CCDC30: variants seen among roughly 807,000 people sequenced by gnomAD.
The protein encoded by CCDC30 is coiled-coil domain containing 30.
A neutral mutation model predicts 100.2 loss-of-function variants in CCDC30; 70 were observed. The observed-to-expected ratio is 0.70, with a 90% CI of 0.58 to 0.85. The LOEUF (loss-of-function observed/expected upper bound fraction) is 0.85. Among genes scored for constraint, CCDC30 ranks in the 40% least tolerant of loss-of-function variants. CCDC30 has a pLI of 0.00. For missense variants in CCDC30, 652 were observed against 771.2 expected (o/e 0.85, Z 1.83); for synonymous variants, 233 against 269.5 (o/e 0.86, Z 1.33).
At chr1:42,581,495 CAAG>C (rs1430489836) in exon 9 of CCDC30, 4 of 1,612,838 alleles carry the variant, frequency 2.5e-6, no homozygotes, top group African/African-American at 1.3e-5. Context: ...GCAACAATAT[CAAG>C]AAGAACAACA....
At chr1:42,648,644 T>C (rs527297018) in intron 15 of CCDC30, among the ~76,000 whole-genome samples, 1 of 152,212 alleles carries the variant, frequency 6.6e-6, no homozygotes, top group Admixed American at 6.5e-5. Context: ...CTCTCCAGCC[T>C]GGGTGACAGA....
intron 4 of CCDC30, among the ~76,000 whole-genome samples, chr1:42,495,265 C>T (rs1644213202): frequency 6.6e-6 from 1 of 151,436 alleles, no homozygotes. Flanking sequence ...AACAAAAAAC[C>T]AAACACCACA....
At chr1:42,619,438 G>C (rs1034797799) in intron 11 of CCDC30, among the ~76,000 whole-genome samples, 4 of 152,176 alleles carry the variant, frequency 2.6e-5, no homozygotes, top group Admixed American at 2.6e-4. Context: ...AGGAGAAATA[G>C]TATGCAAATC....
At chr1:42,510,591 A>G (rs1394358070) in intron 6 of CCDC30, among the ~76,000 whole-genome samples, 1 of 150,800 alleles carries the variant, frequency 6.6e-6, no homozygotes, top group Non-Finnish European at 1.5e-5. Context: ...TGGGAAGTGG[A>G]GGTTGCAGTG....
intron 3 of CCDC30, among the ~76,000 whole-genome samples, chr1:42,483,952 G>T (rs931265462): frequency 6.6e-6 from 1 of 151,520 alleles, no homozygotes; most frequent in Non-Finnish European, 1.5e-5. Context: ...TTACATCTTT[G>T]CTTTATCTAG....
At chr1:42,524,219 C>A (rs537151043) in intron 6 of CCDC30, among the ~76,000 whole-genome samples, 1 of 151,920 alleles carries the variant, frequency 6.6e-6, no homozygotes, top group Non-Finnish European at 1.5e-5. Flanking sequence ...GATTCGCCAC[C>A]CTCCCAGGGA....
At chr1:42,644,911 C>A in intron 14 of CCDC30, 104 bp downstream of exon 18, 1 of 719,578 alleles carries the variant, frequency 1.4e-6, no homozygotes, top group Non-Finnish European at 2.4e-6. Flanking sequence ...TGTAGCTGGG[C>A]TCTTGGCCTC....
chr1:42,510,547 C>T (rs1356371454), intron 6 of CCDC30, among the ~76,000 whole-genome samples: 9 of 151,834 alleles, frequency 5.9e-5, no homozygotes, highest in Non-Finnish European at 1.0e-4. Flanking sequence ...GTCCCAGCTA[C>T]TTGGGAGGCT....
chr1:42,560,627 C>T (rs1037610893), intron 6 of CCDC30, among the ~76,000 whole-genome samples: 5 of 152,174 alleles, frequency 3.3e-5, no homozygotes, highest in African/African-American at 4.8e-5. Context: ...CCTTGGCCTC[C>T]CAAGTGCTGT....
intron 10 of CCDC30, chr1:42,593,984 G>T (rs1646237719): frequency 6.6e-6 from 1 of 152,062 alleles, no homozygotes; most frequent in African/African-American, 2.4e-5. Context: ...GTCCACTTGG[G>T]ATACTCAGCA....
chr1:42,614,230 G>A (rs12172719), intron 11 of CCDC30, among the ~76,000 whole-genome samples: 19,042 of 151,190 alleles, frequency 0.13, 1,383 homozygotes, highest in East Asian at 0.28. Flanking sequence ...ACAGGCGCCC[G>A]CCACTACGCC....
At chr1:42,535,483 A>T (rs1644877346) in intron 6 of CCDC30, among the ~76,000 whole-genome samples, 1 of 148,952 alleles carries the variant, frequency 6.7e-6, no homozygotes, top group African/African-American at 2.6e-5. Context: ...AAGTTACAAA[A>T]TATAGATGTG....
chr1:42,599,443 A>G (rs1316196974), intron 10 of CCDC30, among the ~76,000 whole-genome samples: 1 of 152,248 alleles, frequency 6.6e-6, no homozygotes, highest in Non-Finnish European at 1.5e-5. Flanking sequence ...CAACAGAATC[A>G]TATAAAATGC....
chr1:42,557,716 TAAA>T (rs951962432), intron 6 of CCDC30, among the ~76,000 whole-genome samples: 2 of 147,708 alleles, frequency 1.4e-5, no homozygotes, highest in East Asian at 3.9e-4. Flanking sequence ...ATAAAATATG[TAAA>T]TAATAAAATA....
chr1:42,517,631 C>G (rs977094401), intron 6 of CCDC30, among the ~76,000 whole-genome samples: 55 of 129,540 alleles, frequency 4.2e-4, no homozygotes, highest in Non-Finnish European at 1.2e-4. Context: ...TAGTTTTTTT[C>G]ATGTGGATGT....
chr1:42,610,955 C>T, intron 10 of CCDC30, 23 bp from the exon 15 acceptor site: 1 of 1,264,412 alleles, frequency 7.9e-7, no homozygotes. Context: ...TCAGAGTTCT[C>T]ATTATTTTTC....
rs145206338 is a variant in CCDC30 at position 42,642,501 on chromosome 1, C to A, written c.1448C>A (p.Ala483Asp). ...AAGGCAATACAGGACCAGATCACTG[C>A]CCAAAATGATACCCTGCTTCTAGAA... is the stretch of plus-strand genomic sequence containing the variant. The change falls in exon 13 of 17, where the codon GCC becomes GAC. Residue 483 changes from alanine to aspartate, a missense_variant. Coordinates refer to ENST00000668663, the Ensembl canonical transcript of CCDC30. The A allele has an allele frequency of 1.8e-3, 2,878 of 1,596,130 alleles. 4 individuals are homozygous for A. The highest frequency in any genetic ancestry group is 2.7e-3 in the Admixed American group (156 of 58,362).
rs1203067211 is a variant in CCDC30 at position 42,536,053 on chromosome 1, G to GA, written c.457-30239dup. Among the ~76,000 whole-genome samples, 2 of 151,296 alleles carry GA rather than the reference G, an allele frequency of 1.3e-5. 1 individual carries two copies. Among genetic ancestry groups the GA allele is most frequent in the African/African-American group, 4.9e-5 (2 of 41,114 alleles). On this transcript the variant is annotated intron_variant, in intron 6 of 16. Coordinates refer to ENST00000668663, the Ensembl canonical transcript of CCDC30. ...AATTCCAATCTCATAGGGGTCCTAG[G>GA]AAAACAAAATGAAATAATGCATCTA...
intron 4 of CCDC30, among the ~76,000 whole-genome samples, chr1:42,493,211 G>T (rs1426741237): frequency 6.6e-6 from 1 of 151,824 alleles, no homozygotes; most frequent in African/African-American, 2.4e-5. Context: ...AATATAATAA[G>T]AATAAGAAGA....
Sources: gnomAD v4.1 joint callset for allele counts (sites outside exome capture counted in the v4.1 genomes callset) on GRCh38, gnomAD v4.1.1 for gene constraint, MANE v1.5 for transcripts, NCBI Gene and HGNC (gene_info 2026-07-23, HGNC 2026-07-21) for gene names.